Variants in ECT2L observed in about 807,000 individuals in gnomAD.
The protein encoded by ECT2L is epithelial cell transforming 2 like.
ECT2L carries 126 observed loss-of-function variants against 122.8 expected under a neutral mutation model. That is an observed-to-expected ratio of 1.03 (90% CI 0.89 to 1.19). The LOEUF is 1.19. ECT2L is among the 50% of genes most tolerant of loss of function. The pLI is 0.00. For synonymous variants in ECT2L, 385 were observed against 381.8 expected (o/e 1.01, Z -0.10); for missense variants, 1,012 against 1,064.1 (o/e 0.95, Z 0.68).
chr6:138,889,049 A>G lies in ECT2L; in HGVS notation c.2414+18A>G. On this transcript the variant is annotated intron_variant, in intron 20 of 21. Coordinates refer to ENST00000541398, the MANE Select transcript of ECT2L (RefSeq NM_001077706.3). Reference sequence around the variant, plus strand: ...TCTTTAAGGTAAACAATAGTTAACTATCCTAAGGCTGTGGACACCTTCCAA... The same window carrying G: ...TCTTTAAGGTAAACAATAGTTAACTGTCCTAAGGCTGTGGACACCTTCCAA... 2 of 1,435,698 alleles carry G rather than the reference A, an allele frequency of 1.4e-6. No individual in the cohort carries two copies. The highest frequency in any genetic ancestry group is 1.9e-6 in the Non-Finnish European group (2 of 1,060,460). The allele number at this position is 1,435,698 out of a possible 1,614,324, so 88.9% of individuals were successfully genotyped here. A position where few individuals can be genotyped will look rare whatever the true frequency, so the allele number is the denominator to read the frequency against.
intron 8 of ECT2L, among the ~76,000 whole-genome samples, chr6:138,847,875 A>T (rs958583638): frequency 6.6e-6 from 1 of 152,196 alleles, no homozygotes; most frequent in African/African-American, 2.4e-5. Context: ...GCTATAAAAA[A>T]TACCCAAGAT....
At chr6:138,828,712 A>G (rs1776544686) in intron 4 of ECT2L, among the ~76,000 whole-genome samples, 1 of 152,230 alleles carries the variant, frequency 6.6e-6, no homozygotes, top group South Asian at 2.1e-4. Flanking sequence ...TTCCCGAGGT[A>G]GAGTTCATAC....
At chr6:138,863,919 G>C (rs977233207) in intron 11 of ECT2L, among the ~76,000 whole-genome samples, 4 of 139,236 alleles carry the variant, frequency 2.9e-5, no homozygotes, top group Admixed American at 1.5e-4. Flanking sequence ...GCCGGGAACA[G>C]GTTTTCTTCT....
chr6:138,850,994 C>CAAAAAAAAAAAAAAAA (rs34453938), intron 9 of ECT2L, among the ~76,000 whole-genome samples: 5 of 57,780 alleles, frequency 8.7e-5, no homozygotes, highest in African/African-American at 3.2e-4. Context: ...AACTCCATCT[C>CAAAAAAAAAAAAAAAA]AAAAAAAAAA....
rs1779446854 is a variant in ECT2L at position 138,902,747 on chromosome 6, T to G, written c.*120T>G. ...AACTGTCATGGATGATGAGATAAAC[T>G]AAGATGACCCATAGGATCTTTCCAA... is the stretch of plus-strand genomic sequence containing the variant. On this transcript the variant is annotated 3_prime_UTR_variant, in exon 22 of 22. Transcript: ENST00000541398. The G allele has an allele frequency of 8.4e-7, 1 of 1,195,248 alleles. No homozygotes were observed. The highest frequency in any genetic ancestry group is 1.2e-6 in the Non-Finnish European group (1 of 836,414). 74.0% of individuals were successfully genotyped at this position (1,195,248 alleles called of 1,614,324 possible).
chr6:138,900,019 C>T (rs1779346098), intron 20 of ECT2L, among the ~76,000 whole-genome samples: 1 of 152,124 alleles, frequency 6.6e-6, no homozygotes, highest in African/African-American at 2.4e-5. Context: ...CAAATTTTGC[C>T]CCTTGATAAA....
chr6:138,886,744 C>A, intron 18 of ECT2L, 113 bp from the exon 19 acceptor site: 2 of 769,852 alleles, frequency 2.6e-6, no homozygotes, highest in East Asian at 2.7e-5. Context: ...TCTATTATAA[C>A]ATATGAAAAT....
In ECT2L at chr6:138,821,283, G is replaced by C. The variant is rs148228133; in HGVS notation, c.179+6680G>C. On this transcript the variant is annotated intron_variant, in intron 4 of 21. Transcript: ENST00000541398. ...CTTGATGTGAATAATGAAGGAAATA[G>C]TTTGTTCTCACATCATTGAAAACTC... Among the ~76,000 whole-genome samples the C allele has an allele frequency of 3.3e-3, 500 of 152,330 alleles. 4 individuals carry two copies. The highest frequency in any genetic ancestry group is 0.012 in the African/African-American group (488 of 41,576).
chr6:138,858,273 T>A (rs1777691552), intron 10 of ECT2L, among the ~76,000 whole-genome samples: 1 of 152,160 alleles, frequency 6.6e-6, no homozygotes, highest in Non-Finnish European at 1.5e-5. Context: ...ATGTTTAATT[T>A]TCACATCTAA....
intron 20 of ECT2L, among the ~76,000 whole-genome samples, chr6:138,892,865 T>C (rs1779078992): frequency 2.0e-5 from 3 of 152,152 alleles, no homozygotes; most frequent in African/African-American, 7.2e-5. Context: ...AGGTCTTCAG[T>C]GTGAAGTTTT....
rs530051541 is a variant in ECT2L, at chr6:138,891,803, A to C, written c.2414+2772A>C. Among the ~76,000 whole-genome samples the C allele has an allele frequency of 3.7e-4, 35 of 95,206 alleles. No homozygotes were observed. In the East Asian group the frequency reaches 7.1e-3, roughly 19 times the overall value. The allele number at this position is 95,206 out of a possible 152,430, so 62.5% of individuals were successfully genotyped here. A position where few individuals can be genotyped will look rare whatever the true frequency, so the allele number is the denominator to read the frequency against. On this transcript the variant is annotated intron_variant, in intron 20 of 21. Coordinates refer to ENST00000541398, the MANE Select transcript of ECT2L (RefSeq NM_001077706.3). ...TGGTCACCCATATTTGGCTCAGAAT[A>C]AATCTATTTTACACAGTTTGACTCT...
At chr6:138,848,236 A>C (rs1777303559) in intron 8 of ECT2L, among the ~76,000 whole-genome samples, 1 of 152,108 alleles carries the variant, frequency 6.6e-6, no homozygotes, top group African/African-American at 2.4e-5. Context: ...ATGTCCAATA[A>C]ATTTTTGTTG....
intron 20 of ECT2L, among the ~76,000 whole-genome samples, chr6:138,899,187 A>G (rs995871164): frequency 2.0e-5 from 3 of 152,000 alleles, no homozygotes; most frequent in African/African-American, 7.2e-5. Flanking sequence ...AGAGGGAGGG[A>G]AAAAAAGGAG....
chr6:138,836,893 T>G (rs1776860948), intron 4 of ECT2L, among the ~76,000 whole-genome samples: 1 of 152,116 alleles, frequency 6.6e-6, no homozygotes, highest in Non-Finnish European at 1.5e-5. Flanking sequence ...CTTTAAGTAC[T>G]TCCTTATTTT....
chr6:138,891,953 T>A (rs1779045255), intron 20 of ECT2L, among the ~76,000 whole-genome samples: 1 of 152,244 alleles, frequency 6.6e-6, no homozygotes, highest in Non-Finnish European at 1.5e-5. Flanking sequence ...CTGTTTTGTG[T>A]TCTCTGAGCT....
At chr6:138,838,939 G>A (rs1320876708) in intron 5 of ECT2L, among the ~76,000 whole-genome samples, 2 of 151,956 alleles carry the variant, frequency 1.3e-5, no homozygotes, top group African/African-American at 2.4e-5. Flanking sequence ...GTGCCACCAC[G>A]CCCAGCTAAT....
At chr6:138,845,827 T>C (rs150496271) in intron 7 of ECT2L, among the ~76,000 whole-genome samples, 1,920 of 152,170 alleles carry the variant, frequency 0.013, 31 homozygotes, top group African/African-American at 0.044. Context: ...TCCCAGCACT[T>C]TGGGAGGCCA....
chr6:138,873,097 TG>T (rs1350358863), intron 13 of ECT2L, among the ~76,000 whole-genome samples: 2 of 152,218 alleles, frequency 1.3e-5, no homozygotes, highest in Admixed American at 6.5e-5. Flanking sequence ...CAGCTCATTA[TG>T]TTCATAAAAT....
intron 19 of ECT2L, among the ~76,000 whole-genome samples, chr6:138,888,270 G>A (rs1218139167): frequency 6.6e-6 from 1 of 151,614 alleles, no homozygotes; most frequent in Non-Finnish European, 1.5e-5. Flanking sequence ...TCAATATAAA[G>A]GCTTGACTTC....
Sources: gnomAD v4.1 joint callset for allele counts (sites outside exome capture counted in the v4.1 genomes callset) on GRCh38, gnomAD v4.1.1 for gene constraint, MANE v1.5 for transcripts, NCBI Gene and HGNC (gene_info 2026-07-23, HGNC 2026-07-21) for gene names.